Variants in DNAJC13 observed in about 807,000 individuals in gnomAD.
DNAJC13 encodes the protein dnaJ homolog subfamily C member 13.
DNAJC13 carries 75 observed loss-of-function variants against 290.5 expected under a neutral mutation model. The observed-to-expected ratio is 0.26, with a 90% CI of 0.21 to 0.31. The LOEUF (loss-of-function observed/expected upper bound fraction) is 0.31, where lower values mean the gene tolerates loss of function less well. DNAJC13 is among the 10% of genes least tolerant of loss of function. The probability of loss-of-function intolerance (pLI) is 1.00; values close to 1 mark genes in which losing one functional copy is unlikely to be tolerated. For synonymous variants in DNAJC13, 862 were observed against 892.0 expected, an observed-to-expected ratio of 0.97 and a Z score of 0.60; for missense variants, 2,260 against 2,674.5, an observed-to-expected ratio of 0.85 and a Z score of 3.42.
chr3:132,482,372 TCTTATGC>T (rs1304202888), intron 27 of DNAJC13, 42 bp downstream of exon 27: 1 of 1,486,300 alleles, frequency 6.7e-7, no homozygotes, highest in Non-Finnish European at 9.4e-7. Flanking sequence ...TCTCAGCATT[TCTTATGC>T]CCTCCTGCTT....
At chr3:132,532,727 G>A (rs1350553503) in intron 55 of DNAJC13, among the ~76,000 whole-genome samples, 1 of 150,104 alleles carries the variant, frequency 6.7e-6, no homozygotes, top group Admixed American at 6.6e-5. Context: ...AAAAAAATCT[G>A]CCTTATTTTT....
chr3:132,447,926 A>G lies in DNAJC13; in HGVS notation c.323A>G (p.Lys108Arg). 1 of 1,578,696 alleles carries G rather than the reference A, an allele frequency of 6.3e-7. No homozygotes were observed. The highest frequency in any genetic ancestry group is 8.7e-7 in the Non-Finnish European group (1 of 1,150,636). The change falls in exon 5 of 56, where the codon AAA (lysine) becomes AGA (arginine). Residue 108 changes from lysine (K) to arginine (R), a missense_variant. Lys to Arg is a conservative substitution (Grantham distance 26). Around this residue, in one of 3 missense-constraint regions of DNAJC13, gnomAD observed 762 missense variants for 964.1 expected, o/e 0.79. Transcript: ENST00000260818. ...LRFRTDFSEG[K>R]ITGRRYNCYK... is the part of the protein sequence containing the mutation. ...TTTAGAACTGATTTTTCAGAGGGAA[A>G]AATCACAGGAAGGGTAAATATTTAA...
intron 1 of DNAJC13, among the ~76,000 whole-genome samples, chr3:132,428,452 GTTATC>G (rs967909185): frequency 1.6e-4 from 24 of 152,182 alleles, no homozygotes; most frequent in African/African-American, 5.3e-4. Flanking sequence ...CATTTATCTG[GTTATC>G]TTATCTTTTT....
chr3:132,507,089 A>C, intron 42 of DNAJC13, 148 bp from the exon 43 acceptor site: 1 of 504,804 alleles, frequency 2.0e-6, no homozygotes, highest in Non-Finnish European at 3.5e-6. Flanking sequence ...TGCCTATTCC[A>C]AAGTCTTTTT....
chr3:132,511,628 G>A (rs1935781497), intron 44 of DNAJC13, among the ~76,000 whole-genome samples: 1 of 152,104 alleles, frequency 6.6e-6, no homozygotes, highest in South Asian at 2.1e-4. Flanking sequence ...AGTGCCATGT[G>A]CATATGGGCA....
At chr3:132,471,820 C>G (rs1173048437) in intron 20 of DNAJC13, among the ~76,000 whole-genome samples, 2 of 147,518 alleles carry the variant, frequency 1.4e-5, no homozygotes, top group Admixed American at 1.4e-4. Flanking sequence ...CAGGCAGAGA[C>G]GGTCATCACT....
At chr3:132,487,459 T>C in intron 29 of DNAJC13, among the ~76,000 whole-genome samples, 1 of 151,550 alleles carries the variant, frequency 6.6e-6, no homozygotes. Context: ...GGTTTCACCA[T>C]GTTGGCCAGG....
At chr3:132,468,325 A>G (rs1934069262) in intron 20 of DNAJC13, among the ~76,000 whole-genome samples, 1 of 152,224 alleles carries the variant, frequency 6.6e-6, no homozygotes, top group Non-Finnish European at 1.5e-5. Flanking sequence ...ATTCAAGGAA[A>G]ATAACTTTAA....
intron 1 of DNAJC13, among the ~76,000 whole-genome samples, chr3:132,418,634 A>G (rs572514705): frequency 2.6e-5 from 4 of 152,244 alleles, no homozygotes; most frequent in South Asian, 4.1e-4. Context: ...ATTTCCCTCA[A>G]AAAGGAGGTT....
intron 48 of DNAJC13, among the ~76,000 whole-genome samples, chr3:132,521,876 AT>A: frequency 6.6e-6 from 1 of 152,176 alleles, no homozygotes; most frequent in Non-Finnish European, 1.5e-5. Flanking sequence ...CCCAGGAGAA[AT>A]TGCTTTTTTC....
chr3:132,470,796 A>AC (rs1202521315), intron 20 of DNAJC13, among the ~76,000 whole-genome samples: 1 of 118,282 alleles, frequency 8.5e-6, no homozygotes, highest in Admixed American at 8.0e-5. Flanking sequence ...CGGAGGGCTG[A>AC]CCCCCCCACC....
In DNAJC13 at chr3:132,499,113, T is replaced by G. The variant is rs78526588; in HGVS notation, c.4157-13T>G. ...TGTTTTGTTTTTCTAACACTAACCA[T>G]TGGTTATTTCAGATTTACAGCCTTA... On this transcript the variant is annotated splice_polypyrimidine_tract_variant and intron_variant, in intron 36 of 55. Coordinates refer to ENST00000260818, the MANE Select transcript of DNAJC13 (RefSeq NM_015268.4). 126,969 of 1,559,572 alleles carry G rather than the reference T, an allele frequency of 0.081. 5,789 individuals carry two copies. The highest frequency in any genetic ancestry group is 0.093 in the Middle Eastern group (544 of 5,830).
chr3:132,514,940 A>G, intron 46 of DNAJC13: 1 of 302,678 alleles, frequency 3.3e-6, no homozygotes, highest in Non-Finnish European at 6.2e-6. Context: ...CACATGGGTA[A>G]TTGAGAATTA....
chr3:132,510,528 G>A (rs1935743812), intron 43 of DNAJC13, among the ~76,000 whole-genome samples: 1 of 152,094 alleles, frequency 6.6e-6, no homozygotes, highest in African/African-American at 2.4e-5. Context: ...TGGCTTGTAG[G>A]AGGTGGCAAA....
intron 22 of DNAJC13, among the ~76,000 whole-genome samples, chr3:132,476,042 T>C (rs79623295): frequency 0.093 from 14,098 of 152,260 alleles, 815 homozygotes; most frequent in South Asian, 0.14. Flanking sequence ...CAAGCAATCC[T>C]TCCACCTTCG....
chr3:132,454,314 A>ATTTTTTTTTTTT (rs71622093), intron 9 of DNAJC13, among the ~76,000 whole-genome samples, 157 bp downstream of exon 9: 2 of 86,122 alleles, frequency 2.3e-5, no homozygotes, highest in East Asian at 3.6e-4. Flanking sequence ...CCCATTTTCA[A>ATTTTTTTTTTTT]TTTTTTTTTT....
At chr3:132,443,225 T>G (rs1326636639) in intron 2 of DNAJC13, among the ~76,000 whole-genome samples, 2 of 152,222 alleles carry the variant, frequency 1.3e-5, no homozygotes, top group African/African-American at 4.8e-5. Flanking sequence ...TGATCTTGGC[T>G]CACTGCAGCC....
chr3:132,516,601 TAC>T, intron 47 of DNAJC13, 101 bp from the exon 48 acceptor site: 1 of 1,527,286 alleles, frequency 6.5e-7, no homozygotes, highest in Non-Finnish European at 8.9e-7. Context: ...TTGGAATGTT[TAC>T]AGTTTTTAAA....
chr3:132,516,249 C>G (rs552773701), intron 46 of DNAJC13, among the ~76,000 whole-genome samples, 173 bp from the exon 47 acceptor site: 106 of 152,312 alleles, frequency 7.0e-4, no homozygotes, highest in South Asian at 2.7e-3. Flanking sequence ...AACTGGGCAT[C>G]AGCTTCCTCA....
Sources: gnomAD v4.1 joint callset for allele counts (sites outside exome capture counted in the v4.1 genomes callset) on GRCh38, gnomAD v4.1.1 for gene constraint, gnomAD v4.1.1 regional missense constraint, MANE v1.5 for transcripts, NCBI Gene and HGNC (gene_info 2026-07-23, HGNC 2026-07-21) for gene names.